DGKI: variants seen among roughly 807,000 people sequenced by gnomAD.
DGKI encodes DAG kinase iota.
In DGKI, 55 loss-of-function variants were observed where a neutral mutation model predicts 147.5. The ratio of observed to expected loss-of-function variants is 0.37; its 90% confidence interval spans 0.30 to 0.47. The LOEUF is 0.47. DGKI is among the 20% of genes least tolerant of loss of function. The pLI is 1.00. For missense variants in DGKI, 1,007 were observed against 1,323.8 expected (o/e 0.76, Z 3.71); for synonymous variants, 469 against 477.1 (o/e 0.98, Z 0.22).
At chr7:137,411,568 T>C (rs894379500) in intron 29 of DGKI, among the ~76,000 whole-genome samples, 1 of 152,064 alleles carries the variant, frequency 6.6e-6, no homozygotes, top group Non-Finnish European at 1.5e-5. Flanking sequence ...TTACACAAAA[T>C]CACACAGACA....
chr7:137,485,554 T>A, intron 22 of DGKI, 136 bp from the exon 23 acceptor site: 1 of 677,070 alleles, frequency 1.5e-6, no homozygotes, highest in Middle Eastern at 2.6e-4. Context: ...CCCAAATTCA[T>A]AAAGGTTAAA....
At chr7:137,709,749 A>G (rs1441898360) in intron 1 of DGKI, among the ~76,000 whole-genome samples, 1 of 152,180 alleles carries the variant, frequency 6.6e-6, no homozygotes. Context: ...ATCAATGAGT[A>G]TAAGCCAGCA....
chr7:137,447,988 C>T (rs899308608), intron 27 of DGKI, among the ~76,000 whole-genome samples: 5 of 152,104 alleles, frequency 3.3e-5, no homozygotes, highest in Admixed American at 1.3e-4. Flanking sequence ...TTTGATTAAA[C>T]TAGGTATTTA....
intron 1 of DGKI, among the ~76,000 whole-genome samples, chr7:137,793,740 A>G (rs1796941087): frequency 1.3e-5 from 2 of 152,212 alleles, no homozygotes; most frequent in Admixed American, 6.5e-5. Context: ...TGATTCCTAC[A>G]ATATGTTCTC....
chr7:137,462,354 A>G (rs1419881145), intron 27 of DGKI, among the ~76,000 whole-genome samples: 3 of 152,254 alleles, frequency 2.0e-5, no homozygotes, highest in African/African-American at 7.2e-5. Context: ...AAATGCCATC[A>G]GAAACTAACA....
intron 28 of DGKI, among the ~76,000 whole-genome samples, chr7:137,425,928 G>A (rs1350890964): frequency 1.3e-5 from 2 of 152,208 alleles, no homozygotes; most frequent in African/African-American, 2.4e-5. Context: ...TCTGATTGGT[G>A]TATCTGAAAG....
intron 2 of DGKI, among the ~76,000 whole-genome samples, chr7:137,688,181 C>T (rs991327843): frequency 9.2e-5 from 14 of 152,166 alleles, no homozygotes; most frequent in African/African-American, 2.9e-4. Flanking sequence ...CCTGTATTTT[C>T]GTGTTGATTT....
chr7:137,488,868 G>A lies in DGKI; in HGVS notation c.2249-1179C>T, dbSNP rs1041961921. Reference sequence around the variant, plus strand: ...AAGTATAACACAGGCCGTATTAAATGTATTAACTTAGTCATTTGAAAACTA... The same window carrying A: ...AAGTATAACACAGGCCGTATTAAATATATTAACTTAGTCATTTGAAAACTA... On this transcript the variant is annotated intron_variant, in intron 21 of 32. Transcript: ENST00000614521. Among the ~76,000 whole-genome samples, 5 of 152,166 alleles carry A rather than the reference G, an allele frequency of 3.3e-5. No homozygotes were observed. The South Asian group carries it at 1.0e-3, about 31-fold the overall frequency.
chr7:137,679,419 T>A lies in DGKI; in HGVS notation c.511-767A>T, dbSNP rs74979938. On this transcript the variant is annotated intron_variant, in intron 2 of 32. Coordinates refer to ENST00000614521, the MANE Select transcript of DGKI (RefSeq NM_001321708.2). Reference sequence around the variant, plus strand: ...GAAGCAAACTGTTTTTTTTTTTTTTTAATCGTACGATGAATAGAATTCCAT... The same window carrying A: ...GAAGCAAACTGTTTTTTTTTTTTTTAAATCGTACGATGAATAGAATTCCAT... Among the ~76,000 whole-genome samples, 17 of 150,674 alleles carry A rather than the reference T, an allele frequency of 1.1e-4. No homozygotes were observed. In the South Asian group the frequency reaches 1.7e-3, roughly 15 times the overall value.
intron 1 of DGKI, among the ~76,000 whole-genome samples, chr7:137,700,814 G>T (rs1823952083): frequency 1.3e-5 from 2 of 152,160 alleles, no homozygotes; most frequent in Admixed American, 1.3e-4. Context: ...GGAGGCAGAA[G>T]TTGGAGTGAG....
chr7:137,469,529 C>T, intron 24 of DGKI, 21 bp downstream of exon 24: 2 of 1,613,338 alleles, frequency 1.2e-6, no homozygotes, highest in Non-Finnish European at 8.5e-7. Flanking sequence ...CCACGATACC[C>T]GCAAGAAAGG....
chr7:137,621,249 A>G (rs1359291541), intron 7 of DGKI, among the ~76,000 whole-genome samples: 1 of 152,216 alleles, frequency 6.6e-6, no homozygotes, highest in East Asian at 1.9e-4. Context: ...ACATTTGAAT[A>G]CCTTCTTTAA....
At chr7:137,726,985 T>C (rs1283725767) in intron 1 of DGKI, among the ~76,000 whole-genome samples, 1 of 152,170 alleles carries the variant, frequency 6.6e-6, no homozygotes, top group East Asian at 1.9e-4. Flanking sequence ...GGATCTATTT[T>C]CTTTATCAAA....
chr7:137,813,273 G>T (rs1797646071), intron 1 of DGKI, among the ~76,000 whole-genome samples: 1 of 152,192 alleles, frequency 6.6e-6, no homozygotes, highest in South Asian at 2.1e-4. Context: ...CAGTGAAGAG[G>T]CTGAAAACCA....
intron 31 of DGKI, among the ~76,000 whole-genome samples, 167 bp downstream of exon 31, chr7:137,397,210 A>G (rs985764013): frequency 1.3e-5 from 2 of 152,210 alleles, no homozygotes; most frequent in African/African-American, 4.8e-5. Flanking sequence ...CTATTCCGTA[A>G]TTTTTTATTT....
At chr7:137,807,185 G>A (rs1278871959) in intron 1 of DGKI, among the ~76,000 whole-genome samples, 2 of 152,176 alleles carry the variant, frequency 1.3e-5, no homozygotes, top group African/African-American at 2.4e-5. Context: ...CTGAAAGAAC[G>A]CATAATGGTT....
At chr7:137,840,405 T>C (rs566673578) in intron 1 of DGKI, among the ~76,000 whole-genome samples, 1 of 152,374 alleles carries the variant, frequency 6.6e-6, no homozygotes, top group African/African-American at 2.4e-5. Flanking sequence ...TAGCCCTTTT[T>C]CTGCATTTTT....
In DGKI at chr7:137,617,109, G is replaced by A. The variant is rs897135202; in HGVS notation, c.993+2715C>T. Among the ~76,000 whole-genome samples the A allele has an allele frequency of 6.2e-5, 7 of 112,058 alleles. No homozygotes were observed. The Admixed American group carries it at 8.4e-4, about 13-fold the overall frequency. The allele number at this position is 112,058 out of a possible 152,430, so 73.5% of individuals were successfully genotyped here. On this transcript the variant is annotated intron_variant, in intron 8 of 32. Transcript: ENST00000614521. Reference sequence around the variant, plus strand: ...TTCCTGTGATGGCAATGTACTGCCAGTGTATCCCTTTTACCAAAAAAAAAA... The same window carrying A: ...TTCCTGTGATGGCAATGTACTGCCAATGTATCCCTTTTACCAAAAAAAAAA...
At chr7:137,700,973 C>G (rs1823962670) in intron 1 of DGKI, among the ~76,000 whole-genome samples, 1 of 152,086 alleles carries the variant, frequency 6.6e-6, no homozygotes. Flanking sequence ...GGCAGAGCCA[C>G]AAAGAGAAGT....
Sources: gnomAD v4.1 joint callset for allele counts (sites outside exome capture counted in the v4.1 genomes callset) on GRCh38, gnomAD v4.1.1 for gene constraint, MANE v1.5 for transcripts, NCBI Gene and HGNC (gene_info 2026-07-23, HGNC 2026-07-21) for gene names.